Variants in PTPRN2 observed in about 807,000 individuals in gnomAD.
PTPRN2 encodes protein tyrosine phosphatase receptor type N2, also known as receptor-type tyrosine-protein phosphatase N2.
Under a neutral mutation model 118.8 loss-of-function variants are expected in PTPRN2, and 74 were observed. The ratio of observed to expected loss-of-function variants is 0.62; its 90% confidence interval spans 0.52 to 0.76. The LOEUF (loss-of-function observed/expected upper bound fraction) is 0.76, where lower values mean the gene tolerates loss of function less well. PTPRN2 is among the 30% of genes least tolerant of loss of function. The pLI, the probability that PTPRN2 is intolerant of heterozygous loss-of-function variation, is 0.00. For synonymous variants in PTPRN2, 641 were observed against 608.0 expected (o/e 1.05, Z -0.80); for missense variants, 1,481 against 1,394.4 (o/e 1.06, Z -0.99).
chr7:157,788,374 C>CAAAAAAAAAAAA lies in PTPRN2; in HGVS notation c.1789-105449_1789-105438dup, dbSNP rs749886375. ...TGGGAAACAGAATGAGACTCCATCT[C>CAAAAAAAAAAAA]AAAAAAAAAAAAAAAAAAGAAAGTA... is the stretch of plus-strand genomic sequence containing the variant. On this transcript the variant is annotated intron_variant, in intron 12 of 22. Transcript: ENST00000389418. Among the ~76,000 whole-genome samples, 358 of 75,350 alleles carry CAAAAAAAAAAAA rather than the reference C, an allele frequency of 4.8e-3. 6 individuals are homozygous for CAAAAAAAAAAAA. Among genetic ancestry groups the CAAAAAAAAAAAA allele is most frequent in the East Asian group, 0.018 (40 of 2,244 alleles). The allele number at this position is 75,350 out of a possible 152,430, so 49.4% of individuals were successfully genotyped here.
chr7:157,716,228 G>C (rs879145818), intron 12 of PTPRN2, among the ~76,000 whole-genome samples: 1 of 152,238 alleles, frequency 6.6e-6, no homozygotes, highest in South Asian at 2.1e-4. Context: ...AGTCGCAGTT[G>C]TTGGGTGGGC....
chr7:157,725,673 A>G (rs1309125969), intron 12 of PTPRN2, among the ~76,000 whole-genome samples: 1,814 of 104,210 alleles, frequency 0.017, 2 homozygotes, highest in Middle Eastern at 0.031. Flanking sequence ...CAGAGGAGTG[A>G]GCCAGACCCT....
At chr7:158,157,919 T>G (rs1224533989) in intron 6 of PTPRN2, among the ~76,000 whole-genome samples, 1 of 152,190 alleles carries the variant, frequency 6.6e-6, no homozygotes, top group African/African-American at 2.4e-5. Flanking sequence ...AGGTGCCTTC[T>G]CCTCCTGCTT....
intron 11 of PTPRN2, among the ~76,000 whole-genome samples, chr7:158,018,349 G>A (rs1806594193): frequency 6.6e-6 from 1 of 152,030 alleles, no homozygotes; most frequent in Non-Finnish European, 1.5e-5. Flanking sequence ...CGGCTAAGGT[G>A]GCCAGAGAAG....
intron 5 of PTPRN2, among the ~76,000 whole-genome samples, chr7:158,183,285 T>G (rs1366924594): frequency 2.0e-5 from 3 of 152,210 alleles, no homozygotes; most frequent in African/African-American, 7.2e-5. Context: ...GCCATTTACA[T>G]TCAACACTAA....
chr7:157,968,322 C>A (rs1029010709), intron 11 of PTPRN2, among the ~76,000 whole-genome samples: 1 of 152,192 alleles, frequency 6.6e-6, no homozygotes, highest in Admixed American at 6.5e-5. Context: ...CCATTCCACT[C>A]ACTGCATTTC....
intron 2 of PTPRN2, among the ~76,000 whole-genome samples, chr7:158,380,605 T>C (rs1810896842): frequency 6.6e-6 from 1 of 152,216 alleles, no homozygotes; most frequent in Admixed American, 6.5e-5. Flanking sequence ...TCTGAGACTT[T>C]TCCAGGCACA....
intron 12 of PTPRN2, chr7:157,864,177 C>G (rs1173452739): frequency 2.0e-5 from 3 of 152,270 alleles, no homozygotes; most frequent in African/African-American, 7.2e-5. Context: ...AGCGACTGTT[C>G]ACACACAGGG....
chr7:158,112,299 G>C lies in PTPRN2; in HGVS notation c.1557-1384C>G, dbSNP rs115658016. Among the ~76,000 whole-genome samples, 572 of 152,350 alleles carry C rather than the reference G, an allele frequency of 3.8e-3. 5 individuals are homozygous for C. The highest frequency in any genetic ancestry group is 0.013 in the African/African-American group (559 of 41,574). On this transcript the variant is annotated intron_variant, in intron 9 of 22. Coordinates refer to ENST00000389418, the MANE Select transcript of PTPRN2 (RefSeq NM_002847.5). ...TGTCTTGTAAAGTGGGCTATAGGAGGCCTCTCCAGTGGGGCCCCGTTTGAA... is the reference window on the plus strand; with the variant it reads ...TGTCTTGTAAAGTGGGCTATAGGAGCCCTCTCCAGTGGGGCCCCGTTTGAA...
intron 12 of PTPRN2, among the ~76,000 whole-genome samples, chr7:157,871,458 CT>C (rs1421986222): frequency 6.6e-6 from 1 of 152,038 alleles, no homozygotes; most frequent in East Asian, 1.9e-4. Flanking sequence ...CAAAAGCTTC[CT>C]CTAAATTGGA....
intron 1 of PTPRN2, among the ~76,000 whole-genome samples, chr7:158,513,509 T>G (rs868281194): frequency 2.0e-5 from 3 of 152,328 alleles, no homozygotes; most frequent in Middle Eastern, 6.8e-3. Context: ...TGACAAACTG[T>G]GTACTAATGT....
At chr7:157,970,060 G>C (rs1220815831) in intron 11 of PTPRN2, among the ~76,000 whole-genome samples, 2 of 152,018 alleles carry the variant, frequency 1.3e-5, no homozygotes, top group Admixed American at 6.5e-5. Context: ...GCCCTGGCAA[G>C]GAAGTTGCAG....
chr7:158,143,171 C>A (rs1163539564), intron 6 of PTPRN2, among the ~76,000 whole-genome samples: 1 of 152,202 alleles, frequency 6.6e-6, no homozygotes, highest in Non-Finnish European at 1.5e-5. Context: ...AAAGGGCTCA[C>A]TCATCCCAAA....
chr7:157,710,619 C>A (rs1798561518), intron 12 of PTPRN2, among the ~76,000 whole-genome samples: 1 of 152,134 alleles, frequency 6.6e-6, no homozygotes, highest in African/African-American at 2.4e-5. Context: ...GCACAGCTCC[C>A]AGATGTCCCC....
chr7:158,121,824 G>A (rs899360273), intron 9 of PTPRN2, among the ~76,000 whole-genome samples: 2 of 152,218 alleles, frequency 1.3e-5, no homozygotes, highest in African/African-American at 4.8e-5. Flanking sequence ...GCCTGGCAAG[G>A]GTGACAGTGC....
intron 11 of PTPRN2, among the ~76,000 whole-genome samples, chr7:157,971,548 G>T (rs1272019117): frequency 1.3e-5 from 2 of 152,168 alleles, no homozygotes; most frequent in African/African-American, 2.4e-5. Context: ...TGGAGACCAG[G>T]AACCCCCCTG....
intron 3 of PTPRN2, among the ~76,000 whole-genome samples, chr7:158,312,471 C>A (rs1276917172): frequency 1.3e-5 from 2 of 149,062 alleles, no homozygotes; most frequent in African/African-American, 5.0e-5. Flanking sequence ...CACGTGGATA[C>A]CCACACATGT....
chr7:158,412,021 T>G lies in PTPRN2; in HGVS notation c.163+77714A>C, dbSNP rs371802268. On this transcript the variant is annotated intron_variant, in intron 2 of 22. Coordinates refer to ENST00000389418, the MANE Select transcript of PTPRN2 (RefSeq NM_002847.5). ...AGCTGCAGGGCCCATCACAGCACCC[T>G]CCTCAGCTCCAGGGCCCATCCAGTG... is the stretch of plus-strand genomic sequence containing the variant. Among the ~76,000 whole-genome samples, 67 of 142,686 alleles carry G rather than the reference T, an allele frequency of 4.7e-4. 2 individuals are homozygous for G. The South Asian group carries it at 0.015, about 32-fold the overall frequency. 93.6% of individuals were successfully genotyped at this position (142,686 alleles called of 152,430 possible). A position where few individuals can be genotyped will look rare whatever the true frequency, so the allele number is the denominator to read the frequency against.
At chr7:157,675,975 A>AG (rs1373511316) in intron 13 of PTPRN2, among the ~76,000 whole-genome samples, 1 of 152,114 alleles carries the variant, frequency 6.6e-6, no homozygotes, top group African/African-American at 2.4e-5. Flanking sequence ...GAAGAAACGG[A>AG]GGGGGGTGAA....
Sources: gnomAD v4.1 joint callset for allele counts (sites outside exome capture counted in the v4.1 genomes callset) on GRCh38, gnomAD v4.1.1 for gene constraint, MANE v1.5 for transcripts, NCBI Gene and HGNC (gene_info 2026-07-23, HGNC 2026-07-21) for gene names.